Variants in PIK3CD observed in about 807,000 individuals in gnomAD.
The protein encoded by PIK3CD is phosphatidylinositol 4,5-bisphosphate 3-kinase catalytic subunit delta isoform.
In PIK3CD, 20 loss-of-function variants were observed where a neutral mutation model predicts 122.9. That is an observed-to-expected ratio of 0.16 (90% confidence interval 0.11 to 0.24). The LOEUF (loss-of-function observed/expected upper bound fraction) is 0.24, where lower values mean the gene tolerates loss of function less well. PIK3CD is among the 10% of genes least tolerant of loss of function. The pLI, the probability that PIK3CD is intolerant of heterozygous loss-of-function variation, is 1.00. For synonymous variants in PIK3CD, 596 were observed against 593.4 expected (o/e 1.00, Z -0.06); for missense variants, 787 against 1,406.3 (o/e 0.56, Z 7.04).
At chr1:9,709,665 C>T (rs1296018068) in intron 2 of PIK3CD, among the ~76,000 whole-genome samples, 1 of 151,722 alleles carries the variant, frequency 6.6e-6, no homozygotes, top group Non-Finnish European at 1.5e-5. Flanking sequence ...GATGGCACCA[C>T]TGTACTCCAG....
intron 2 of PIK3CD, among the ~76,000 whole-genome samples, chr1:9,705,894 C>T (rs1646812628): frequency 6.6e-6 from 1 of 152,104 alleles, no homozygotes; most frequent in Admixed American, 6.6e-5. Context: ...GTCTTGAGGA[C>T]AGTGTGGTGA....
At chr1:9,656,219 C>T (rs931053820) in intron 1 of PIK3CD, among the ~76,000 whole-genome samples, 4 of 152,052 alleles carry the variant, frequency 2.6e-5, no homozygotes, top group South Asian at 2.1e-4. Context: ...GGATGCTGTA[C>T]GGGTTAAGTA....
Position 9,728,908 on chromosome 1 carries a change from G to GATGA in PIK3CD, c.*1864_*1867dup. On this transcript the variant is annotated 3_prime_UTR_variant, in exon 24 of 24. Coordinates refer to ENST00000377346, the MANE Select transcript of PIK3CD (RefSeq NM_005026.5). ...AACCTTGAAATGAGAAGTAAAGGCA[G>GATGA]ATGAAAAGAAAGAAAAAGCCTTTTT... 1 of 152,352 alleles carries GATGA rather than the reference G, an allele frequency of 6.6e-6. No homozygotes were observed. The highest frequency in any genetic ancestry group is 1.5e-5 in the Non-Finnish European group (1 of 68,042). The allele number at this position is 152,352 out of a possible 1,614,324, so 9.4% of individuals were successfully genotyped here.
Position 9,700,345 on chromosome 1 carries a change from C to T in PIK3CD, c.-33+8774C>T, listed in dbSNP as rs1430972720. On this transcript the variant is annotated intron_variant, in intron 2 of 23. Coordinates refer to ENST00000377346, the MANE Select transcript of PIK3CD (RefSeq NM_005026.5). The surrounding 1 kb of genome is among the most constrained non-coding windows in gnomAD (Gnocchi z 5.1). The stretch of plus-strand genomic sequence containing the variant: ...AGAAAGAGCACCAAGGAGAACATTT[C>T]AGGACAGACTGTAAGGGTGGCGTGG... Among the ~76,000 whole-genome samples the T allele has an allele frequency of 2.0e-5, 3 of 152,148 alleles. No individual in the cohort carries two copies. Among genetic ancestry groups the T allele is most frequent in the Non-Finnish European group, 4.4e-5 (3 of 68,028 alleles).
At chr1:9,629,803 T>C in the PIK3CD span, among the ~76,000 whole-genome samples, 1 of 152,162 alleles carries the variant, frequency 6.6e-6, no homozygotes, top group South Asian at 2.1e-4. Flanking sequence ...GGACCGCCCC[T>C]GAGCACTTCC....
At chr1:9,716,151 A>C in intron 5 of PIK3CD, 73 bp downstream of exon 5, 1 of 1,252,438 alleles carries the variant, frequency 8.0e-7, no homozygotes, top group East Asian at 2.4e-5. Context: ...GAAACTCCTC[A>C]GTCATCCGCA....
At position 9,710,573 on chromosome 1, in the gene PIK3CD, G is replaced by A; in HGVS notation, c.118G>A (p.Ala40Thr). Reference sequence around the variant, plus strand: ...CCTGAACTTCCCTGTGTCCCGCAATGCCAACCTCAGCACCATCAAGCAGGT... The same window carrying A: ...CCTGAACTTCCCTGTGTCCCGCAATACCAACCTCAGCACCATCAAGCAGGT... ...VYLNFPVSRN[A>T]NLSTIKQLLW... The change falls in exon 3 of 24, where the codon GCC (alanine) becomes ACC (threonine). Residue 40 changes from alanine to threonine, a missense_variant. Coordinates refer to ENST00000377346, the MANE Select transcript of PIK3CD (RefSeq NM_005026.5). The surrounding 1 kb of genome is among the most constrained non-coding windows in gnomAD (Gnocchi z 4.7). The A allele has an allele frequency of 6.2e-7, 1 of 1,613,900 alleles. No homozygotes were observed. The highest frequency in any genetic ancestry group is 8.5e-7 in the Non-Finnish European group (1 of 1,179,986).
the PIK3CD span, among the ~76,000 whole-genome samples, chr1:9,642,716 C>CAA: frequency 1.3e-3 from 92 of 70,134 alleles, no homozygotes; most frequent in African/African-American, 3.3e-3. Context: ...GACTCTGTCT[C>CAA]AAAAAAAAAA....
Position 9,715,534 on chromosome 1 carries a change from C to T in PIK3CD, c.142-7C>T, listed in dbSNP as rs1399192207. 6 of 1,612,260 alleles carry T rather than the reference C, an allele frequency of 3.7e-6. No individual in the cohort carries two copies. Among genetic ancestry groups the T allele is most frequent in the Non-Finnish European group, 5.1e-6 (6 of 1,179,360 alleles). On this transcript the variant is annotated splice_polypyrimidine_tract_variant and splice_region_variant and intron_variant, in intron 3 of 23. Coordinates refer to ENST00000377346, the MANE Select transcript of PIK3CD (RefSeq NM_005026.5). The surrounding 1 kb of genome is among the most constrained non-coding windows in gnomAD (Gnocchi z 4.1). ...GTGGAGGGGCTGACCGGTGACTGTC[C>T]CTCCAGCTGCTGTGGCACCGCGCCC...
intron 23 of PIK3CD, among the ~76,000 whole-genome samples, chr1:9,726,641 C>T (rs1649678677): frequency 6.6e-6 from 1 of 152,142 alleles, no homozygotes; most frequent in Non-Finnish European, 1.5e-5. Context: ...GGTGACCAGT[C>T]CCTGCAAAAG....
the PIK3CD span, among the ~76,000 whole-genome samples, chr1:9,630,573 G>T: frequency 6.6e-6 from 1 of 152,240 alleles, no homozygotes; most frequent in African/African-American, 2.4e-5. Context: ...AGGCAATCAT[G>T]GTTGAGTAGA....
intron 1 of PIK3CD, among the ~76,000 whole-genome samples, chr1:9,686,465 G>C (rs956668945): frequency 4.0e-5 from 6 of 151,558 alleles, no homozygotes; most frequent in Non-Finnish European, 8.8e-5. Flanking sequence ...GCCTCGCAAA[G>C]TGCTGAGATT....
At chr1:9,712,618 G>A (rs1221974394) in intron 3 of PIK3CD, among the ~76,000 whole-genome samples, 2 of 152,078 alleles carry the variant, frequency 1.3e-5, no homozygotes, top group Non-Finnish European at 2.9e-5. Flanking sequence ...TTGGGAGCAG[G>A]GAAAAAATAC....
intron 23 of PIK3CD, among the ~76,000 whole-genome samples, 194 bp from the exon 24 acceptor site, chr1:9,726,715 C>T (rs971351077): frequency 6.6e-6 from 1 of 152,042 alleles, no homozygotes; most frequent in Non-Finnish European, 1.5e-5. Flanking sequence ...CACTTGGGAA[C>T]TGGGGGCTCT....
At chr1:9,665,910 T>C (rs1395421891) in intron 1 of PIK3CD, among the ~76,000 whole-genome samples, 1 of 151,970 alleles carries the variant, frequency 6.6e-6, no homozygotes, top group Non-Finnish European at 1.5e-5. Flanking sequence ...CCCACCACCA[T>C]GCCCAGCTAA....
chr1:9,704,117 C>T lies in PIK3CD; in HGVS notation c.-32-6307C>T, dbSNP rs1019271246. On this transcript the variant is annotated intron_variant, in intron 2 of 23. Transcript: ENST00000377346. The surrounding 1 kb of genome is among the most constrained non-coding windows in gnomAD (Gnocchi z 5.0). ...GAGAGAGGTTCTTAGCCCAGAGAGA[C>T]GGAAGGCACTTCCACTTTCTCCTGT... is the stretch of plus-strand genomic sequence containing the variant. Among the ~76,000 whole-genome samples the T allele has an allele frequency of 2.3e-4, 35 of 152,258 alleles. No individual in the cohort carries two copies. The highest frequency in any genetic ancestry group is 3.4e-3 in the Middle Eastern group (1 of 294).
chr1:9,727,408 C>T lies in PIK3CD; in HGVS notation c.*362C>T, dbSNP rs902145746. 4.3e-5 allele frequency: 18 copies of T among 418,218 alleles called. 1 individual carries two copies. The highest frequency in any genetic ancestry group is 3.1e-4 in the East Asian group (7 of 22,390). The allele number at this position is 418,218 out of a possible 1,614,324, so 25.9% of individuals were successfully genotyped here. Reference sequence around the variant, plus strand: ...TCCCGCCAGACTGCCTGGGTCCTGGCGCCTGGCGGTCACCTGGTGCCTACT... The same window carrying T: ...TCCCGCCAGACTGCCTGGGTCCTGGTGCCTGGCGGTCACCTGGTGCCTACT... On this transcript the variant is annotated 3_prime_UTR_variant, in exon 24 of 24. Coordinates refer to ENST00000377346, the MANE Select transcript of PIK3CD (RefSeq NM_005026.5).
chr1:9,671,378 T>C (rs1645321247), intron 1 of PIK3CD, among the ~76,000 whole-genome samples: 1 of 151,922 alleles, frequency 6.6e-6, no homozygotes, highest in Admixed American at 6.6e-5. Context: ...GGATTATAGG[T>C]GTGAGCCACC....
intron 2 of PIK3CD, among the ~76,000 whole-genome samples, chr1:9,697,558 TA>T (rs200511192): frequency 0.023 from 3,261 of 139,256 alleles, 68 homozygotes; most frequent in African/African-American, 0.061. Flanking sequence ...CATTATTATT[TA>T]AAAAAAAAAA....
Sources: allele counts gnomAD v4.1 joint callset (sites outside exome capture counted in the v4.1 genomes callset), GRCh38; gene constraint gnomAD v4.1.1; non-coding constraint Gnocchi (gnomAD v3.1); transcripts MANE v1.5; gene names NCBI Gene and HGNC (gene_info 2026-07-23, HGNC 2026-07-21).